The following GNA13 variants were observed in gnomAD, a reference collection of about 807,000 sequenced individuals.
The protein encoded by GNA13 is G protein subunit alpha 13.
In GNA13, 4 loss-of-function variants were observed where a neutral mutation model predicts 33.5. That is an observed-to-expected ratio of 0.12 (90% CI 0.06 to 0.27). The LOEUF (loss-of-function observed/expected upper bound fraction) is 0.27, where lower values mean the gene tolerates loss of function less well. GNA13 is among the 10% of genes least tolerant of loss of function. The pLI, the probability that GNA13 is intolerant of heterozygous loss-of-function variation, is 1.00. For synonymous variants in GNA13, 176 were observed against 183.8 expected (o/e 0.96, Z 0.34); for missense variants, 319 against 487.2 (o/e 0.65, Z 3.25).
At chr17:65,018,444 C>A in intron 2 of GNA13, 141 bp from the exon 3 acceptor site, 2 of 632,092 alleles carry the variant, frequency 3.2e-6, no homozygotes, top group East Asian at 2.7e-5. Context: ...GCTAACCTTC[C>A]TAAAAACATA....
At chr17:65,042,818 A>G (rs1365817775) in intron 2 of GNA13, among the ~76,000 whole-genome samples, 1 of 152,230 alleles carries the variant, frequency 6.6e-6, no homozygotes, top group Middle Eastern at 3.2e-3. Context: ...CAGTCTAATA[A>G]GAAAACACAA....
At position 65,053,610 on chromosome 17, in the gene GNA13, T is replaced by C. The variant is rs201253039; in HGVS notation, c.402A>G (p.Gln134=). ...SFDTRAPMAA[Q]GMVETRVFLQ... The stretch of plus-strand genomic sequence containing the variant: ...AGAAAACCCTTGTTTCCACCATTCC[T>C]TGGGCTGCCATGGGGGCCCGGGTAT... Residue 134 remains glutamine (Q), a synonymous_variant, in exon 2 of 4, where the codon CAA becomes CAG. Coordinates refer to ENST00000439174, the MANE Select transcript of GNA13 (RefSeq NM_006572.6). 10 of 1,613,640 alleles carry C rather than the reference T, an allele frequency of 6.2e-6. No homozygotes were observed. The highest frequency in any genetic ancestry group is 2.7e-5 in the African/African-American group (2 of 75,028).
chr17:65,055,017 C>CA (rs1361010643), intron 1 of GNA13, among the ~76,000 whole-genome samples: 4 of 133,570 alleles, frequency 3.0e-5, no homozygotes. Context: ...GCTCTTCAGG[C>CA]AGTTTTCCTT....
chr17:65,031,893 AG>A lies in GNA13; in HGVS notation c.511-13591del, dbSNP rs1362039854. 4.9e-3 allele frequency among the ~76,000 whole-genome samples: 643 copies of A among 130,874 alleles called. 1 individual carries two copies. The highest frequency in any genetic ancestry group is 8.0e-3 in the African/African-American group (282 of 35,132). The allele number at this position is 130,874 out of a possible 152,430, so 85.9% of individuals were successfully genotyped here. Reference sequence around the variant, plus strand: ...GAGAGAGAGAGAGAGAGAGAGAGAGAGAAAGAGAGAGAGAGAGAGAGAGAGA... The same window carrying A: ...GAGAGAGAGAGAGAGAGAGAGAGAGAAAAGAGAGAGAGAGAGAGAGAGAGA... On this transcript the variant is annotated intron_variant, in intron 2 of 3. Transcript: ENST00000439174.
rs376356001 is a variant in GNA13, at chr17:65,014,412, C to A, written c.979G>T (p.Val327Leu). Reference sequence around the variant, plus strand: ...CGGCGTTTGTTCCGGAAACATTCCACCAGGAATTTTTGGACGTCTCTTAAG... The same window carrying A: ...CGGCGTTTGTTCCGGAAACATTCCAACAGGAATTTTTGGACGTCTCTTAAG... ...HCLRDVQKFLVECFRNKRRDQ... is the reference protein window; with the variant it reads ...HCLRDVQKFLLECFRNKRRDQ... The change falls in exon 4 of 4, where the codon GTG becomes TTG. Residue 327 changes from valine to leucine, a missense_variant. Val to Leu is a conservative substitution (Grantham distance 32). Coordinates refer to ENST00000439174, the MANE Select transcript of GNA13 (RefSeq NM_006572.6). The surrounding 1 kb of genome is among the most constrained non-coding windows in gnomAD (Gnocchi z 5.3). The A allele has an allele frequency of 5.6e-6, 9 of 1,614,106 alleles. No homozygotes were observed. The African/African-American group carries it at 8.0e-5, about 14-fold the overall frequency.
rs767787782 is a variant in GNA13 at position 65,053,596 on chromosome 17, G to C, written c.416C>G (p.Thr139Arg). 20 of 1,613,692 alleles carry C rather than the reference G, an allele frequency of 1.2e-5. 1 individual carries two copies. The South Asian group carries it at 2.1e-4, about 17-fold the overall frequency. The change falls in exon 2 of 4, where the codon ACA becomes AGA. Residue 139 changes from threonine (T) to arginine (R), a missense_variant. Physicochemically the swap from Thr to Arg is moderately conservative, Grantham distance 71 (BLOSUM62 -1). Around this residue, in one of 4 missense-constraint regions of GNA13, gnomAD observed 136 missense variants for 159.3 expected, o/e 0.85. Coordinates refer to ENST00000439174, the MANE Select transcript of GNA13 (RefSeq NM_006572.6). Reference protein sequence around the residue: ...APMAAQGMVETRVFLQYLPAI... With the variant: ...APMAAQGMVERRVFLQYLPAI... ...AGGAAGATATTGTAAGAAAACCCTT[G>C]TTTCCACCATTCCTTGGGCTGCCAT...
chr17:65,025,336 CTTAT>C (rs1906738198), intron 2 of GNA13, among the ~76,000 whole-genome samples: 1 of 152,158 alleles, frequency 6.6e-6, no homozygotes, highest in African/African-American at 2.4e-5. Flanking sequence ...TTTAAAAAAA[CTTAT>C]TTGACAATTC....
chr17:65,056,703 G>A lies in GNA13; in HGVS notation c.-110C>T, dbSNP rs1041808976. On this transcript the variant is annotated 5_prime_UTR_variant, in exon 1 of 4. Transcript: ENST00000439174. ...CTCGAGGGCGGGGAGCGCGGCGGCG[G>A]CCCGAGCGCGCCCAGGGAGGGAGGG... 1.4e-4 allele frequency: 78 copies of A among 551,964 alleles called. 1 individual carries two copies. The highest frequency in any genetic ancestry group is 1.8e-4 in the Non-Finnish European group (71 of 405,020). 34.2% of individuals were successfully genotyped at this position (551,964 alleles called of 1,614,324 possible).
chr17:65,026,890 T>C (rs546072838), intron 2 of GNA13, among the ~76,000 whole-genome samples: 1 of 152,330 alleles, frequency 6.6e-6, no homozygotes, highest in East Asian at 1.9e-4. Context: ...GCGATTCTTC[T>C]GCCTCAGCCT....
Position 65,014,221 on chromosome 17 carries a change from C to T in GNA13, c.*36G>A. The T allele has an allele frequency of 8.1e-7, 1 of 1,237,690 alleles. No individual in the cohort carries two copies. Among genetic ancestry groups the T allele is most frequent in the African/African-American group, 1.5e-5 (1 of 66,466 alleles). 76.7% of individuals were successfully genotyped at this position (1,237,690 alleles called of 1,614,324 possible). A position where few individuals can be genotyped will look rare whatever the true frequency, so the allele number is the denominator to read the frequency against. The stretch of plus-strand genomic sequence containing the variant: ...CAAAACAAACAGAAAACATCAAAAA[C>T]ACAAAAAGATATTAAAACAGCAAGT... On this transcript the variant is annotated 3_prime_UTR_variant, in exon 4 of 4. Coordinates refer to ENST00000439174, the MANE Select transcript of GNA13 (RefSeq NM_006572.6). The surrounding 1 kb of genome is among the most constrained non-coding windows in gnomAD (Gnocchi z 5.3).
intron 2 of GNA13, among the ~76,000 whole-genome samples, chr17:65,038,980 T>TA (rs945935107): frequency 1.3e-5 from 2 of 152,044 alleles, no homozygotes; most frequent in African/African-American, 2.4e-5. Flanking sequence ...CACCATAAAG[T>TA]AAAAAAATCG....
At position 65,012,307 on chromosome 17, in the gene GNA13, G is replaced by A. The variant is rs944190224; in HGVS notation, c.*1950C>T. The A allele has an allele frequency of 4.5e-6, 1 of 223,536 alleles. No individual in the cohort carries two copies. 13.8% of individuals were successfully genotyped at this position (223,536 alleles called of 1,614,324 possible). ...TGGCCATTCAATTTGCTAAATGTAT[G>A]GGTAAACTCTCCAATGAATAGTCCA... On this transcript the variant is annotated 3_prime_UTR_variant, in exon 4 of 4. Transcript: ENST00000439174.
intron 2 of GNA13, among the ~76,000 whole-genome samples, chr17:65,045,919 A>G (rs1207731272): frequency 6.6e-6 from 1 of 152,190 alleles, no homozygotes. Context: ...AGAATGCTCC[A>G]CAGATGCCAT....
chr17:65,025,518 C>A (rs1327631743), intron 2 of GNA13, among the ~76,000 whole-genome samples: 2 of 152,274 alleles, frequency 1.3e-5, no homozygotes, highest in Non-Finnish European at 1.5e-5. Flanking sequence ...ACTGAACGTG[C>A]TGAGAAGCGC....
Position 65,056,335 on chromosome 17 carries a change from T to C in GNA13, c.259A>G (p.Thr87Ala), listed in dbSNP as rs1908059001. The C allele has an allele frequency of 6.6e-7, 1 of 1,518,150 alleles. No individual in the cohort carries two copies. 94.0% of individuals were successfully genotyped at this position (1,518,150 alleles called of 1,614,324 possible). A position where few individuals can be genotyped will look rare whatever the true frequency, so the allele number is the denominator to read the frequency against. The change falls in exon 1 of 4, where the codon ACC (threonine) becomes GCC (alanine). Residue 87 changes from threonine to alanine, a missense_variant. Thr to Ala is a moderately conservative substitution (Grantham distance 58). Transcript: ENST00000439174. ...CCTTTGATCACGTTGCTGTAGATGG[T>C]GGGGCGGAACTCCTCGCGCGCGCGC... ...DQRAREEFRP[T>A]IYSNVIKGMR...
intron 2 of GNA13, among the ~76,000 whole-genome samples, chr17:65,043,291 ATTTT>A (rs5821633): frequency 6.9e-6 from 1 of 145,716 alleles, no homozygotes; most frequent in African/African-American, 2.5e-5. Context: ...ATGTTTATTA[ATTTT>A]TTTTTTTTTT....
intron 1 of GNA13, 39 bp downstream of exon 1, chr17:65,056,272 C>G: frequency 7.1e-7 from 1 of 1,416,078 alleles, no homozygotes; most frequent in Non-Finnish European, 9.7e-7. Flanking sequence ...CCCCAGCCCC[C>G]CTGCCCTTAA....
chr17:65,048,509 C>T (rs1391692958), intron 2 of GNA13, among the ~76,000 whole-genome samples: 2 of 152,116 alleles, frequency 1.3e-5, no homozygotes, highest in African/African-American at 2.4e-5. Context: ...CCTCAGTATG[C>T]TAATTTATAA....
In GNA13 at chr17:65,056,495, C is replaced by T. The variant is rs1486253990; in HGVS notation, c.99G>A (p.Glu33=). The change falls in exon 1 of 4, where the codon GAG becomes GAA. Residue 33 remains glutamate, a synonymous_variant. Coordinates refer to ENST00000439174, the MANE Select transcript of GNA13 (RefSeq NM_006572.6). The part of the protein sequence containing the change: ...GEAEQQRKSK[E]IDKCLSREKT... ...TTTCCCGAGACAGGCATTTGTCGAT[C>T]TCCTTGGACTTGCGTTGCTGCTCGG... 6.2e-7 allele frequency: 1 copy of T among 1,613,632 alleles called. No homozygotes were observed.
Sources: allele counts gnomAD v4.1 joint callset (sites outside exome capture counted in the v4.1 genomes callset), GRCh38; gene constraint gnomAD v4.1.1; regional missense constraint gnomAD v4.1.1; non-coding constraint Gnocchi (gnomAD v3.1); transcripts MANE v1.5; gene names NCBI Gene and HGNC (gene_info 2026-07-23, HGNC 2026-07-21).